XYLT1: variants seen among roughly 807,000 people sequenced by gnomAD.
XYLT1 encodes beta-D-xylosyltransferase 1.
Under a neutral mutation model 91.3 loss-of-function variants are expected in XYLT1, and 36 were observed. The ratio of observed to expected loss-of-function variants is 0.39; its 90% CI spans 0.30 to 0.52. XYLT1 has a LOEUF of 0.52. Among genes scored for constraint, XYLT1 ranks in the 20% least tolerant of loss-of-function variants. XYLT1 has a pLI of 0.68. For synonymous variants in XYLT1, 588 were observed against 532.0 expected (o/e 1.11, Z -1.45); for missense variants, 1,242 against 1,284.5 (o/e 0.97, Z 0.51).
intron 1 of XYLT1, among the ~76,000 whole-genome samples, chr16:17,459,553 A>C (rs898106257): frequency 4.6e-5 from 7 of 152,294 alleles, no homozygotes; most frequent in Admixed American, 3.3e-4. Context: ...CTATGGCAAA[A>C]GGCATGATCC....
chr16:17,375,152 C>T (rs186542460), intron 1 of XYLT1, among the ~76,000 whole-genome samples: 3 of 152,228 alleles, frequency 2.0e-5, no homozygotes, highest in South Asian at 4.1e-4. Context: ...AGTTCCAGTC[C>T]GTGCAACTTC....
At chr16:17,209,815 G>C (rs1433820771) in intron 3 of XYLT1, among the ~76,000 whole-genome samples, 1 of 152,220 alleles carries the variant, frequency 6.6e-6, no homozygotes, top group African/African-American at 2.4e-5. Flanking sequence ...CATCACACTT[G>C]AACTTGTAAC....
chr16:17,117,698 G>A lies in XYLT1; in HGVS notation c.2505C>T (p.Thr835=). ...AGGTCAGAGGCGCAACGAGGAATTT[G>A]GTCTCTGCAACTGGCACCCAGTGGT... ...ILHHWVPVAE[T]KFLVAPLTFS... is the part of the protein sequence containing the mutation. The change falls in exon 11 of 12, where the codon ACC becomes ACT. Residue 835 remains threonine (T), a synonymous_variant. Coordinates refer to ENST00000261381, the MANE Select transcript of XYLT1 (RefSeq NM_022166.4). 1 of 1,614,136 alleles carries A rather than the reference G, an allele frequency of 6.2e-7. No homozygotes were observed. Among genetic ancestry groups the A allele is most frequent in the Non-Finnish European group, 8.5e-7 (1 of 1,180,000 alleles).
intron 1 of XYLT1, among the ~76,000 whole-genome samples, chr16:17,359,437 A>C (rs1596501906): frequency 6.6e-6 from 1 of 152,326 alleles, no homozygotes; most frequent in East Asian, 1.9e-4. Context: ...CTTTGTAATG[A>C]TGCCCAATTC....
In XYLT1 at chr16:17,433,390, CCT is replaced by C. The variant is rs200635383; in HGVS notation, c.363+37042_363+37043del. ...GAAATGTTGAGCTATTGCAACATCCCCTTTTTGGGAAAAACAATATTTCCAGC... is the reference window on the plus strand; with the variant it reads ...GAAATGTTGAGCTATTGCAACATCCCTTTTGGGAAAAACAATATTTCCAGC... On this transcript the variant is annotated intron_variant, in intron 1 of 11. Transcript: ENST00000261381. Among the ~76,000 whole-genome samples, 781 of 152,310 alleles carry C rather than the reference CCT, an allele frequency of 5.1e-3. 4 individuals carry two copies. The highest frequency in any genetic ancestry group is 6.4e-3 in the Non-Finnish European group (433 of 68,036).
chr16:17,405,245 C>A (rs977173304), intron 1 of XYLT1, among the ~76,000 whole-genome samples: 1 of 152,198 alleles, frequency 6.6e-6, no homozygotes, highest in African/African-American at 2.4e-5. Context: ...GGAATCGGGG[C>A]CCTGCGTCCG....
intron 2 of XYLT1, among the ~76,000 whole-genome samples, chr16:17,279,394 G>A (rs1237102525): frequency 6.6e-6 from 1 of 152,148 alleles, no homozygotes; most frequent in Non-Finnish European, 1.5e-5. Context: ...TTCAACATTT[G>A]AGTAAACAGA....
chr16:17,255,973 A>G (rs916788818), intron 3 of XYLT1, among the ~76,000 whole-genome samples: 17 of 152,196 alleles, frequency 1.1e-4, no homozygotes, highest in African/African-American at 3.9e-4. Context: ...GCACCACTGC[A>G]CTCCAGCCTG....
chr16:17,441,699 G>T (rs190529214), intron 1 of XYLT1, among the ~76,000 whole-genome samples: 182 of 152,270 alleles, frequency 1.2e-3, no homozygotes, highest in African/African-American at 4.2e-3. Context: ...CGCAAGAACA[G>T]ATCTTGAATA....
At chr16:17,264,673 C>A (rs983636512) in intron 2 of XYLT1, among the ~76,000 whole-genome samples, 2 of 152,214 alleles carry the variant, frequency 1.3e-5, no homozygotes, top group East Asian at 1.9e-4. Flanking sequence ...ATGCCCAGCA[C>A]CCAAGTGGCC....
chr16:17,343,050 C>T (rs548503941), intron 2 of XYLT1, among the ~76,000 whole-genome samples: 59 of 152,330 alleles, frequency 3.9e-4, no homozygotes, highest in African/African-American at 1.4e-3. Context: ...GAACACCCAA[C>T]AAGAAAGTAA....
At chr16:17,223,654 C>T (rs2033012663) in intron 3 of XYLT1, among the ~76,000 whole-genome samples, 1 of 152,160 alleles carries the variant, frequency 6.6e-6, no homozygotes, top group South Asian at 2.1e-4. Flanking sequence ...GGGCCTGGAT[C>T]CCTGAATTAC....
chr16:17,141,485 G>T (rs2030973427), intron 6 of XYLT1, 116 bp from the exon 7 acceptor site: 3 of 997,458 alleles, frequency 3.0e-6, no homozygotes, highest in Non-Finnish European at 2.9e-6. Context: ...AGTGCCTGCT[G>T]TGTGCCAGGT....
At chr16:17,264,072 T>C (rs1567347735) in intron 2 of XYLT1, among the ~76,000 whole-genome samples, 1 of 152,252 alleles carries the variant, frequency 6.6e-6, no homozygotes, top group African/African-American at 2.4e-5. Flanking sequence ...TAGTCAACAC[T>C]ATAGTACTAT....
intron 1 of XYLT1, among the ~76,000 whole-genome samples, chr16:17,436,803 A>G (rs1256803973): frequency 6.6e-6 from 1 of 152,186 alleles, no homozygotes. Context: ...TTAAACTAGC[A>G]TTTCTGTTAC....
chr16:17,114,810 C>T (rs1000525390), intron 11 of XYLT1, among the ~76,000 whole-genome samples: 1 of 147,920 alleles, frequency 6.8e-6, no homozygotes, highest in Non-Finnish European at 1.5e-5. Flanking sequence ...ATGGATGTAA[C>T]TGCATGGGAA....
chr16:17,175,237 C>G (rs1342659679), intron 5 of XYLT1, among the ~76,000 whole-genome samples: 1 of 152,114 alleles, frequency 6.6e-6, no homozygotes. Flanking sequence ...ATCCTCACAA[C>G]CCCCCTAAAA....
chr16:17,423,067 CTT>C (rs1247871404), intron 1 of XYLT1, among the ~76,000 whole-genome samples: 5 of 152,208 alleles, frequency 3.3e-5, no homozygotes, highest in Admixed American at 3.3e-4. Context: ...ATAACGATGA[CTT>C]AAGAATTTGA....
chr16:17,293,517 T>G (rs1484292128), intron 2 of XYLT1, among the ~76,000 whole-genome samples: 1 of 132,716 alleles, frequency 7.5e-6, no homozygotes, highest in Non-Finnish European at 1.6e-5. Flanking sequence ...TTTTTTTTTT[T>G]GAGACTGAGT....
Sources: gnomAD v4.1 joint callset for allele counts (sites outside exome capture counted in the v4.1 genomes callset) on GRCh38, gnomAD v4.1.1 for gene constraint, MANE v1.5 for transcripts, NCBI Gene and HGNC (gene_info 2026-07-23, HGNC 2026-07-21) for gene names.